Variants in NCOR2 observed in about 807,000 individuals in gnomAD.
NCOR2 encodes CTG repeat protein 26.
Under a neutral mutation model 262.9 loss-of-function variants are expected in NCOR2, and 81 were observed. That is an observed-to-expected ratio of 0.31 (90% confidence interval 0.26 to 0.37). NCOR2 has a LOEUF of 0.37. Among genes scored for constraint, NCOR2 ranks in the 10% least tolerant of loss-of-function variants. The pLI, the probability that NCOR2 is intolerant of heterozygous loss-of-function variation, is 1.00. For missense variants in NCOR2, 3,385 were observed against 3,621.4 expected, an observed-to-expected ratio of 0.93 and a Z score of 1.68; for synonymous variants, 1,659 against 1,559.3, an observed-to-expected ratio of 1.06 and a Z score of -1.51.
intron 7 of NCOR2, among the ~76,000 whole-genome samples, chr12:124,441,783 G>A (rs527590938): frequency 3.9e-5 from 6 of 152,214 alleles, no homozygotes; most frequent in Non-Finnish European, 5.9e-5. Flanking sequence ...ACTCTAAGGC[G>A]ACAGCGGAGA....
intron 1 of NCOR2, among the ~76,000 whole-genome samples, chr12:124,542,075 G>A (rs1008319183): frequency 1.3e-5 from 2 of 151,818 alleles, no homozygotes; most frequent in Non-Finnish European, 2.9e-5. Context: ...GGGCTCCATG[G>A]AGGCATCGAC....
In NCOR2 at chr12:124,482,138, G is replaced by C. The variant is rs1808403025; in HGVS notation, c.411+1458C>G. Among the ~76,000 whole-genome samples, 2 of 152,104 alleles carry C rather than the reference G, an allele frequency of 1.3e-5. No individual in the cohort carries two copies. The highest frequency in any genetic ancestry group is 4.8e-5 in the African/African-American group (2 of 41,402). On this transcript the variant is annotated intron_variant, in intron 3 of 46. Coordinates refer to ENST00000405201, the Ensembl canonical transcript of NCOR2. This position sits in a 1 kb window ranked among gnomAD's most constrained non-coding sequence, Gnocchi z 6.3. ...TCAGGCGCATGTGGTCTGTTGGCTA[G>C]GAGTTCATTAACTGACCTCCACTTT...
intron 13 of NCOR2, among the ~76,000 whole-genome samples, chr12:124,404,705 G>A (rs879912599): frequency 6.6e-6 from 1 of 152,238 alleles, no homozygotes; most frequent in Admixed American, 6.5e-5. Flanking sequence ...CAAGGAAGAA[G>A]AGGCTGGTAC....
chr12:124,440,549 GGCATC>G lies in NCOR2; in HGVS notation c.816-2558_816-2554del, dbSNP rs1301714037. 6.6e-6 allele frequency among the ~76,000 whole-genome samples: 1 copy of G among 152,218 alleles called. No individual in the cohort carries two copies. The highest frequency in any genetic ancestry group is 2.4e-5 in the African/African-American group (1 of 41,442). On this transcript the variant is annotated intron_variant, in intron 7 of 46. Transcript: ENST00000405201. The surrounding 1 kb of genome is among the most constrained non-coding windows in gnomAD (Gnocchi z 5.7). ...CTCAGTTTCCTCATCTGAAATCTAT[GGCATC>G]GCAGCCTCATCTTCTGTTATTCAAT...
chr12:124,497,902 CAA>C (rs926909771), upstream of NCOR2, among the ~76,000 whole-genome samples: 4 of 152,254 alleles, frequency 2.6e-5, no homozygotes, highest in African/African-American at 9.6e-5. The surrounding 1 kb of genome is among the most constrained non-coding windows in gnomAD (Gnocchi z 4.2). Flanking sequence ...CAGCCAGAAA[CAA>C]GAGTCTGGCC....
At chr12:124,394,634 G>A (rs2041535142) in intron 16 of NCOR2, among the ~76,000 whole-genome samples, 1 of 152,224 alleles carries the variant, frequency 6.6e-6, no homozygotes, top group Non-Finnish European at 1.5e-5. Context: ...AGCCTGGAGG[G>A]ATGTGGTCAT....
At chr12:124,506,860 G>A (rs906543804) in intron 1 of NCOR2, among the ~76,000 whole-genome samples, 2 of 152,208 alleles carry the variant, frequency 1.3e-5, no homozygotes, top group Non-Finnish European at 2.9e-5. Context: ...GGGCTGTGAC[G>A]GCAGGAGAGA....
At chr12:124,386,023 G>T in intron 16 of NCOR2, 136 bp from the exon 19 acceptor site, 1 of 1,133,022 alleles carries the variant, frequency 8.8e-7, no homozygotes, top group Non-Finnish European at 1.2e-6. Flanking sequence ...CAGGACCTCT[G>T]GAAGAAGAGA....
intron 6 of NCOR2, among the ~76,000 whole-genome samples, chr12:124,452,356 C>T (rs1011521498): frequency 2.6e-5 from 4 of 152,224 alleles, no homozygotes; most frequent in Non-Finnish European, 4.4e-5. Flanking sequence ...CAGGTGCAAG[C>T]GGACATCACT....
rs775058259 is a variant in NCOR2 at position 124,347,925 on chromosome 12, G to A, written c.3986-14C>T. ...GGCCCATGAGACCTGGGTAGGAGAGGGTGAGGCCATCATTCCGTGGCTCCC... is the reference window on the plus strand; with the variant it reads ...GGCCCATGAGACCTGGGTAGGAGAGAGTGAGGCCATCATTCCGTGGCTCCC... On this transcript the variant is annotated splice_polypyrimidine_tract_variant and intron_variant, in intron 29 of 46. Coordinates refer to ENST00000405201, the Ensembl canonical transcript of NCOR2. The A allele has an allele frequency of 1.9e-6, 3 of 1,555,512 alleles. No homozygotes were observed. Among genetic ancestry groups the A allele is most frequent in the African/African-American group, 2.7e-5 (2 of 73,360 alleles).
intron 11 of NCOR2, among the ~76,000 whole-genome samples, 161 bp from the exon 14 acceptor site, chr12:124,422,716 C>T (rs947649359): frequency 6.7e-6 from 1 of 150,098 alleles, no homozygotes; most frequent in African/African-American, 2.4e-5. Flanking sequence ...AGGGCTGCTG[C>T]GGCAGACGGG....
At chr12:124,421,715 C>A (rs897606130) in intron 12 of NCOR2, among the ~76,000 whole-genome samples, 10 of 152,224 alleles carry the variant, frequency 6.6e-5, no homozygotes, top group Non-Finnish European at 1.3e-4. Flanking sequence ...GACACACGGA[C>A]GGCAGCCTTT....
intron 1 of NCOR2, among the ~76,000 whole-genome samples, chr12:124,491,168 G>C (rs200545485): frequency 2.5e-5 from 2 of 80,430 alleles, no homozygotes; most frequent in African/African-American, 7.3e-5. Flanking sequence ...TTACAGAGAA[G>C]GTTGTGCTCA....
intron 25 of NCOR2, 118 bp downstream of exon 27, chr12:124,354,719 A>C (rs1329474504): frequency 1.6e-6 from 2 of 1,272,836 alleles, no homozygotes; most frequent in East Asian, 5.1e-5. Flanking sequence ...CTGAGGGGGG[A>C]CCTCCCAGCT....
chr12:124,419,945 C>G lies in NCOR2; in HGVS notation c.1482+12G>C, dbSNP rs1468380247. ...AGCCTGCAAGGACAGTCACCCCCAC[C>G]TTGCCTCTTACCTGGCTCTTGCCGC... On this transcript the variant is annotated intron_variant, in intron 13 of 46. Transcript: ENST00000405201. The G allele has an allele frequency of 6.2e-7, 1 of 1,612,568 alleles. No individual in the cohort carries two copies. The highest frequency in any genetic ancestry group is 1.1e-5 in the South Asian group (1 of 91,042).
At chr12:124,358,940 C>A (rs983266722) in intron 22 of NCOR2, among the ~76,000 whole-genome samples, 1 of 152,252 alleles carries the variant, frequency 6.6e-6, no homozygotes, top group Non-Finnish European at 1.5e-5. Flanking sequence ...TGGTCAAAGG[C>A]CCCAGCTAGC....
At chr12:124,325,303 T>G in exon 47 of NCOR2, 1 of 790,324 alleles carries the variant, frequency 1.3e-6, no homozygotes, top group Non-Finnish European at 1.8e-6. Context: ...CAGGGGCTCC[T>G]TCCTTGGTTG....
Position 124,457,219 on chromosome 12 carries a change from A to G in NCOR2, c.706-57T>C. 1 of 1,505,848 alleles carries G rather than the reference A, an allele frequency of 6.6e-7. No homozygotes were observed. The highest frequency in any genetic ancestry group is 1.3e-5 in the South Asian group (1 of 77,698). 93.3% of individuals were successfully genotyped at this position (1,505,848 alleles called of 1,614,324 possible). On this transcript the variant is annotated intron_variant, in intron 5 of 46. Coordinates refer to ENST00000405201, the Ensembl canonical transcript of NCOR2. The surrounding 1 kb of genome is among the most constrained non-coding windows in gnomAD (Gnocchi z 4.0). The stretch of plus-strand genomic sequence containing the variant: ...TTTAAAAAACAAAAAAACACAGATT[A>G]TAAATAGAGGCTTCCCGGAGCAGCG...
chr12:124,330,164 G>A (rs994555252), intron 44 of NCOR2, among the ~76,000 whole-genome samples: 1 of 152,226 alleles, frequency 6.6e-6, no homozygotes, highest in Admixed American at 6.5e-5. Flanking sequence ...CACCCACACA[G>A]AGGCAGCCGA....
Sources: allele counts gnomAD v4.1 joint callset (sites outside exome capture counted in the v4.1 genomes callset), GRCh38; gene constraint gnomAD v4.1.1; non-coding constraint Gnocchi (gnomAD v3.1); transcripts MANE v1.5; gene names NCBI Gene and HGNC (gene_info 2026-07-23, HGNC 2026-07-21).